Variants in DEGS2 observed in about 807,000 individuals in gnomAD.
DEGS2 encodes the protein delta 4-desaturase, sphingolipid 2.
DEGS2 carries 19 observed loss-of-function variants against 23.8 expected under a neutral mutation model. That is an observed-to-expected ratio of 0.80 (90% CI 0.56 to 1.17). The LOEUF (loss-of-function observed/expected upper bound fraction) is 1.17, where lower values mean the gene tolerates loss of function less well. Among genes scored for constraint, DEGS2 ranks in the 50% most tolerant of loss-of-function variants. The pLI is 0.00. For synonymous variants in DEGS2, 218 were observed against 213.7 expected, an observed-to-expected ratio of 1.02 and a Z score of -0.18; for missense variants, 390 against 459.5, an observed-to-expected ratio of 0.85 and a Z score of 1.38.
At chr14:100,154,983 C>G (rs1889635086) in intron 1 of DEGS2, among the ~76,000 whole-genome samples, 1 of 152,214 alleles carries the variant, frequency 6.6e-6, no homozygotes, top group African/African-American at 2.4e-5. Context: ...CTCTTCCACA[C>G]TGGGCCCCAG....
chr14:100,149,790 G>C lies in DEGS2; in HGVS notation c.83-80C>G, dbSNP rs761781956. ...CTCCTCCGCTCCCACTGCAGTGGCCGAGGGGTGAGAAGGTGGGAGTGGCCA... is the reference window on the plus strand; with the variant it reads ...CTCCTCCGCTCCCACTGCAGTGGCCCAGGGGTGAGAAGGTGGGAGTGGCCA... On this transcript the variant is annotated intron_variant, in intron 1 of 2. Coordinates refer to ENST00000305631, the MANE Select transcript of DEGS2 (RefSeq NM_206918.3). 1.9e-5 allele frequency: 27 copies of C among 1,434,990 alleles called. No individual in the cohort carries two copies. In the East Asian group the frequency reaches 5.8e-4, roughly 31 times the overall value. The allele number at this position is 1,434,990 out of a possible 1,614,324, so 88.9% of individuals were successfully genotyped here.
intron 1 of DEGS2, 107 bp downstream of exon 1, chr14:100,159,399 A>C: frequency 1.2e-6 from 1 of 866,530 alleles, no homozygotes; most frequent in Non-Finnish European, 1.6e-6. Flanking sequence ...CGCCCACTGG[A>C]ATTTGGGCCA....
At chr14:100,156,241 C>T (rs1368623599) in intron 1 of DEGS2, among the ~76,000 whole-genome samples, 1 of 152,254 alleles carries the variant, frequency 6.6e-6, no homozygotes, top group Non-Finnish European at 1.5e-5. Context: ...CCTGTGTGTT[C>T]CCCGGCAAGT....
chr14:100,165,624 C>G, the DEGS2 span, among the ~76,000 whole-genome samples: 1 of 152,294 alleles, frequency 6.6e-6, no homozygotes, highest in South Asian at 2.1e-4. Flanking sequence ...CCTGGTGCTG[C>G]TGCTGTGGAC....
At chr14:100,149,769 T>C in intron 1 of DEGS2, 59 bp from the exon 2 acceptor site, 1 of 1,513,080 alleles carries the variant, frequency 6.6e-7, no homozygotes, top group East Asian at 2.3e-5. Context: ...CCCGCCCTCC[T>C]CCGCTCCCAC....
chr14:100,151,432 C>A (rs560657252), intron 1 of DEGS2, among the ~76,000 whole-genome samples: 1 of 152,302 alleles, frequency 6.6e-6, no homozygotes, highest in African/African-American at 2.4e-5. Flanking sequence ...CAGGGCGCGA[C>A]TCAAGGAGGG....
chr14:100,159,037 C>T (rs546730264), intron 1 of DEGS2, among the ~76,000 whole-genome samples: 12 of 152,352 alleles, frequency 7.9e-5, no homozygotes, highest in African/African-American at 2.6e-4. Flanking sequence ...GCCCTGAACT[C>T]CAGCCTGGGG....
Position 100,149,594 on chromosome 14 carries a change from G to A in DEGS2, c.199C>T (p.Arg67Cys), listed in dbSNP as rs764874767. 14 of 1,609,662 alleles carry A rather than the reference G, an allele frequency of 8.7e-6. No homozygotes were observed. The highest frequency in any genetic ancestry group is 1.6e-4 in the Middle Eastern group (1 of 6,084). ...ACWLVRGLAW[R>C]WLLFWAYAFG... ...GCGTAGGCCCAGAACAGCAGCCAGC[G>A]CCAGGCCAGCCCGCGCACCAGCCAG... is the stretch of plus-strand genomic sequence containing the variant. Residue 67 changes from arginine to cysteine, a missense_variant, in exon 2 of 3, where the codon CGC becomes TGC. Transcript: ENST00000305631.
At chr14:100,166,182 G>C in the DEGS2 span, among the ~76,000 whole-genome samples, 1 of 83,762 alleles carries the variant, frequency 1.2e-5, no homozygotes, top group Non-Finnish European at 2.5e-5. Context: ...GGGGGAGCCT[G>C]TCTGGGGCAG....
Position 100,146,535 on chromosome 14 carries a change from G to A in DEGS2, c.*226C>T. 1 of 580,390 alleles carries A rather than the reference G, an allele frequency of 1.7e-6. No homozygotes were observed. Among genetic ancestry groups the A allele is most frequent in the Admixed American group, 3.5e-5 (1 of 28,228 alleles). 36.0% of individuals were successfully genotyped at this position (580,390 alleles called of 1,614,324 possible). A position where few individuals can be genotyped will look rare whatever the true frequency, so the allele number is the denominator to read the frequency against. The stretch of plus-strand genomic sequence containing the variant: ...GTGGGGCAGGGCCAGGCCTCACCTG[G>A]GGAGGCCCAGAAAGGGAGGGCCACA... On this transcript the variant is annotated 3_prime_UTR_variant, in exon 3 of 3. Coordinates refer to ENST00000305631, the MANE Select transcript of DEGS2 (RefSeq NM_206918.3).
intron 1 of DEGS2, among the ~76,000 whole-genome samples, chr14:100,150,256 G>A (rs1404744901): frequency 6.6e-6 from 1 of 152,130 alleles, no homozygotes; most frequent in African/African-American, 2.4e-5. Context: ...GTGTCTGTAT[G>A]TAGGCTGAGA....
chr14:100,148,775 C>T (rs973688695), intron 2 of DEGS2, among the ~76,000 whole-genome samples, 193 bp downstream of exon 2: 1 of 152,274 alleles, frequency 6.6e-6, no homozygotes, highest in Non-Finnish European at 1.5e-5. Context: ...TTTGCTTCAG[C>T]CTCCAGCAGA....
rs145658294 is a variant in DEGS2 at position 100,148,031 on chromosome 14, C to G, written c.825+937G>C. ...GGTGCAGAGCACCGCCTTGGTACTG[C>G]CAGCCGGAATGGAGGGCACAGGCCA... On this transcript the variant is annotated intron_variant, in intron 2 of 2. Coordinates refer to ENST00000305631, the MANE Select transcript of DEGS2 (RefSeq NM_206918.3). 7.5e-3 allele frequency among the ~76,000 whole-genome samples: 1,138 copies of G among 152,294 alleles called. 14 individuals are homozygous for G. Among genetic ancestry groups the G allele is most frequent in the African/African-American group, 0.026 (1,090 of 41,554 alleles).
chr14:100,147,658 G>GCC (rs10709140), intron 2 of DEGS2, among the ~76,000 whole-genome samples: 1,119 of 81,294 alleles, frequency 0.014, 55 homozygotes, highest in Non-Finnish European at 0.021. Flanking sequence ...TGCCCTCCCT[G>GCC]CCCCCCCCCC....
At chr14:100,151,984 C>T (rs1283433728) in intron 1 of DEGS2, among the ~76,000 whole-genome samples, 1 of 152,084 alleles carries the variant, frequency 6.6e-6, no homozygotes, top group Non-Finnish European at 1.5e-5. Context: ...AGGAGAGGGT[C>T]GTGGCTGAGG....
At chr14:100,157,831 T>C in intron 1 of DEGS2, among the ~76,000 whole-genome samples, 1 of 152,254 alleles carries the variant, frequency 6.6e-6, no homozygotes, top group Non-Finnish European at 1.5e-5. Context: ...CTCACACCTG[T>C]AATCCCAACA....
rs377731796 is a variant in DEGS2, at chr14:100,147,689, CCT to C, written c.826-784_826-783del. 1.5e-3 allele frequency among the ~76,000 whole-genome samples: 226 copies of C among 150,452 alleles called. 1 individual carries two copies. Among genetic ancestry groups the C allele is most frequent in the African/African-American group, 5.3e-3 (217 of 40,886 alleles). ...CCCCCCCAGGATGCCTTTCCTGCCCCCTCTTTGCCCTGTCACCTCCTAAGGAT... is the reference window on the plus strand; with the variant it reads ...CCCCCCCAGGATGCCTTTCCTGCCCCCTTTGCCCTGTCACCTCCTAAGGAT... On this transcript the variant is annotated intron_variant, in intron 2 of 2. Transcript: ENST00000305631.
intron 2 of DEGS2, among the ~76,000 whole-genome samples, chr14:100,148,295 C>T (rs873563): frequency 0.41 from 63,030 of 152,104 alleles, 13,825 homozygotes; most frequent in South Asian, 0.58. Context: ...CACACAGAGG[C>T]GTGCGCTCAG....
intron 2 of DEGS2, among the ~76,000 whole-genome samples, chr14:100,147,771 A>G (rs1263654203): frequency 1.3e-5 from 2 of 150,766 alleles, no homozygotes; most frequent in Admixed American, 1.3e-4. Context: ...GGCCAGCACC[A>G]GGCACCCAGA....
Sources: allele counts gnomAD v4.1 joint callset (sites outside exome capture counted in the v4.1 genomes callset), GRCh38; gene constraint gnomAD v4.1.1; transcripts MANE v1.5; gene names NCBI Gene and HGNC (gene_info 2026-07-23, HGNC 2026-07-21).